CPNE8: variants seen among roughly 807,000 people sequenced by gnomAD.
CPNE8 encodes copine 8.
CPNE8 carries 45 observed loss-of-function variants against 81.5 expected under a neutral mutation model. The ratio of observed to expected loss-of-function variants is 0.55; its 90% CI spans 0.44 to 0.71. The LOEUF (loss-of-function observed/expected upper bound fraction) is 0.71. Ranked by LOEUF, CPNE8 falls within the 30% of genes least tolerant of loss-of-function variation. The pLI is 0.00. For synonymous variants in CPNE8, 252 were observed against 226.3 expected (o/e 1.11, Z -1.02); for missense variants, 594 against 672.1 (o/e 0.88, Z 1.28).
rs538217245 is a variant in CPNE8 at position 38,887,039 on chromosome 12, G to A, written c.99-12528C>T. Among the ~76,000 whole-genome samples the A allele has an allele frequency of 5.3e-5, 8 of 152,256 alleles. No individual in the cohort carries two copies. The South Asian group carries it at 1.7e-3, about 32-fold the overall frequency. On this transcript the variant is annotated intron_variant, in intron 1 of 19. Transcript: ENST00000331366. ...GGACCACATAGAACCACAAAGATCT[G>A]GTAAATCAAGAGAGACAAGCACCAG...
chr12:38,734,695 C>A (rs11169301), intron 10 of CPNE8, among the ~76,000 whole-genome samples: 44,462 of 151,938 alleles, frequency 0.29, 8,448 homozygotes, highest in Non-Finnish European at 0.42. Context: ...TTTCAAACAT[C>A]AACCAGAGAA....
chr12:38,857,019 GAAAT>G (rs1943751018), intron 3 of CPNE8, among the ~76,000 whole-genome samples: 1 of 149,644 alleles, frequency 6.7e-6, no homozygotes, highest in Admixed American at 6.7e-5. Context: ...CTCTTTTTTT[GAAAT>G]AAATTATGAT....
chr12:38,863,840 C>T (rs889982666), intron 3 of CPNE8, among the ~76,000 whole-genome samples: 8 of 151,936 alleles, frequency 5.3e-5, no homozygotes, highest in African/African-American at 1.9e-4. Context: ...ATCACAAGGT[C>T]GGAGATCGAG....
chr12:38,783,289 C>T (rs1367908753), intron 6 of CPNE8, among the ~76,000 whole-genome samples: 2 of 152,132 alleles, frequency 1.3e-5, no homozygotes, highest in South Asian at 2.1e-4. Context: ...TACACACACA[C>T]AAAGCATCTT....
chr12:38,877,828 T>C (rs1197565325), intron 1 of CPNE8, among the ~76,000 whole-genome samples: 1 of 152,102 alleles, frequency 6.6e-6, no homozygotes, highest in Non-Finnish European at 1.5e-5. Flanking sequence ...CCATCTTGAA[T>C]AGGGGCTAGG....
rs754335072 is a variant in CPNE8, at chr12:38,829,391, T to G, written c.395A>C (p.Glu132Ala). The change falls in exon 6 of 20, where the codon GAA (glutamate) becomes GCA (alanine). Residue 132 changes from glutamate to alanine, a missense_variant. Transcript: ENST00000331366. ...AAAAAATACTTACACTATTGGTTTT[T>G]CCAGGCGACTTCCCTGTGAACCAAC... ...EIVGSQGSRL[E>A]KPIVGIPGKK... 1 of 1,611,216 alleles carries G rather than the reference T, an allele frequency of 6.2e-7. No individual in the cohort carries two copies. Among genetic ancestry groups the G allele is most frequent in the Non-Finnish European group, 8.5e-7 (1 of 1,177,380 alleles).
intron 8 of CPNE8, among the ~76,000 whole-genome samples, chr12:38,764,866 G>A (rs1941654871): frequency 6.6e-6 from 1 of 151,404 alleles, no homozygotes; most frequent in Admixed American, 6.6e-5. Context: ...GACAGGAAGA[G>A]AGAGAGAGAG....
chr12:38,799,599 G>T (rs1456121989), intron 6 of CPNE8, among the ~76,000 whole-genome samples: 16 of 152,172 alleles, frequency 1.1e-4, no homozygotes, highest in Admixed American at 9.8e-4. Context: ...AAGCAGGAAA[G>T]ATCCAAAACT....
At chr12:38,775,077 ACTAT>A (rs141772212) in intron 7 of CPNE8, among the ~76,000 whole-genome samples, 333 of 152,154 alleles carry the variant, frequency 2.2e-3, no homozygotes, top group African/African-American at 6.8e-3. Flanking sequence ...TATTATCTCA[ACTAT>A]CTATCTATCT....
Position 38,653,624 on chromosome 12 carries a change from A to AAAAAAAAAAG in CPNE8, c.*257_*258insCTTTTTTTTT, listed in dbSNP as rs1175173575. On this transcript the variant is annotated 3_prime_UTR_variant, in exon 20 of 20. Coordinates refer to ENST00000331366, the MANE Select transcript of CPNE8 (RefSeq NM_153634.3). ...GAAATTAGCTGTTTCTGTTAAAAAAAAAAAGAAAGAAAGATTTAGAGAAGA... is the reference window on the plus strand; with the variant it reads ...GAAATTAGCTGTTTCTGTTAAAAAAAAAAAAAAAAGAAAAGAAAGAAAGATTTAGAGAAGA... 1 of 287,232 alleles carries AAAAAAAAAAG rather than the reference A, an allele frequency of 3.5e-6. No homozygotes were observed. Among genetic ancestry groups the AAAAAAAAAAG allele is most frequent in the African/African-American group, 2.1e-5 (1 of 47,108 alleles). The allele number at this position is 287,232 out of a possible 1,614,324, so 17.8% of individuals were successfully genotyped here.
chr12:38,783,812 GGGCTTTGGCCCCTAAAGTAGATACA>G (rs1196445896), intron 6 of CPNE8, among the ~76,000 whole-genome samples: 1 of 152,194 alleles, frequency 6.6e-6, no homozygotes, highest in Non-Finnish European at 1.5e-5. Flanking sequence ...CAGCATTGGT[GGGCTTTGGCCCCTAAAGTAGATACA>G]GTTTAGATCA....
At chr12:38,879,901 T>C (rs1334197616) in intron 1 of CPNE8, among the ~76,000 whole-genome samples, 1 of 152,056 alleles carries the variant, frequency 6.6e-6, no homozygotes, top group Non-Finnish European at 1.5e-5. Context: ...CTTGGAGACA[T>C]AAAATTAATT....
chr12:38,776,507 G>A (rs1230729379), intron 6 of CPNE8, among the ~76,000 whole-genome samples: 3 of 151,312 alleles, frequency 2.0e-5, no homozygotes, highest in East Asian at 1.9e-4. Context: ...ATGGGGTTTC[G>A]CCATGTTGGC....
chr12:38,872,917 T>C (rs1453887939), intron 3 of CPNE8, 87 bp downstream of exon 3: 2 of 778,038 alleles, frequency 2.6e-6, no homozygotes, highest in Non-Finnish European at 4.3e-6. Context: ...GGACTTACAA[T>C]GGAAAATAGA....
intron 3 of CPNE8, among the ~76,000 whole-genome samples, chr12:38,863,074 T>C (rs1004689727): frequency 6.6e-6 from 1 of 152,124 alleles, no homozygotes; most frequent in Non-Finnish European, 1.5e-5. Flanking sequence ...AAAAGACTAA[T>C]AACTGATAAA....
Position 38,653,785 on chromosome 12 carries a change from A to C in CPNE8, c.*97T>G, listed in dbSNP as rs188133243. 2 of 1,446,628 alleles carry C rather than the reference A, an allele frequency of 1.4e-6. No individual in the cohort carries two copies. The highest frequency in any genetic ancestry group is 1.8e-6 in the Non-Finnish European group (2 of 1,102,360). The allele number at this position is 1,446,628 out of a possible 1,614,324, so 89.6% of individuals were successfully genotyped here. A position where few individuals can be genotyped will look rare whatever the true frequency, so the allele number is the denominator to read the frequency against. ...ATTAACTGCTGAAACCAAACTGAGA[A>C]AACTATCTCATTGCCTGGTTCATTA... On this transcript the variant is annotated 3_prime_UTR_variant, in exon 20 of 20. Transcript: ENST00000331366.
At chr12:38,844,950 C>T (rs1194591291) in intron 4 of CPNE8, among the ~76,000 whole-genome samples, 2 of 152,078 alleles carry the variant, frequency 1.3e-5, no homozygotes, top group Non-Finnish European at 2.9e-5. Context: ...GTTCCTTCAA[C>T]GAACTACATT....
intron 6 of CPNE8, among the ~76,000 whole-genome samples, chr12:38,803,685 G>C (rs888071380): frequency 2.7e-5 from 4 of 150,304 alleles, no homozygotes; most frequent in African/African-American, 9.8e-5. Context: ...AGGAAATAAA[G>C]GGTATTCAAT....
At chr12:38,684,484 G>A (rs889268649) in intron 16 of CPNE8, among the ~76,000 whole-genome samples, 9 of 152,074 alleles carry the variant, frequency 5.9e-5, no homozygotes, top group African/African-American at 1.4e-4. Flanking sequence ...AATTCAAGCC[G>A]AAGGGTCACA....
Sources: allele counts gnomAD v4.1 joint callset (sites outside exome capture counted in the v4.1 genomes callset), GRCh38; gene constraint gnomAD v4.1.1; transcripts MANE v1.5; gene names NCBI Gene and HGNC (gene_info 2026-07-23, HGNC 2026-07-21).